ABCC1: variants seen among roughly 807,000 people sequenced by gnomAD.
ABCC1 encodes the protein multidrug resistance-associated protein 1.
In ABCC1, 83 loss-of-function variants were observed where a neutral mutation model predicts 172.9. The ratio of observed to expected loss-of-function variants is 0.48; its 90% confidence interval spans 0.40 to 0.58. The LOEUF (loss-of-function observed/expected upper bound fraction) is 0.58. Ranked by LOEUF, ABCC1 falls within the 20% of genes least tolerant of loss-of-function variation. ABCC1 has a pLI of 0.00. For synonymous variants in ABCC1, 937 were observed against 825.2 expected (o/e 1.14, Z -2.32); for missense variants, 1,817 against 2,002.7 (o/e 0.91, Z 1.77).
Position 16,106,684 on chromosome 16 carries a change from C to T in ABCC1, c.2736-54C>T, listed in dbSNP as rs949273751. 23 of 1,610,210 alleles carry T rather than the reference C, an allele frequency of 1.4e-5. No individual in the cohort carries two copies. In the African/African-American group the frequency reaches 1.5e-4, roughly 10 times the overall value. On this transcript the variant is annotated intron_variant, in intron 20 of 30. Transcript: ENST00000399410. Reference sequence around the variant, plus strand: ...ATAGCAGTCCCAGCAGGGAGCCCTCCGACCCTGCCCAAGGCATCTGTACGG... The same window carrying T: ...ATAGCAGTCCCAGCAGGGAGCCCTCTGACCCTGCCCAAGGCATCTGTACGG...
intron 14 of ABCC1, among the ~76,000 whole-genome samples, chr16:16,072,998 C>T (rs1056659510): frequency 1.0e-4 from 15 of 149,910 alleles, no homozygotes; most frequent in South Asian, 4.2e-4. Context: ...GCCAAGATCG[C>T]GCCACTGCAC....
intron 11 of ABCC1, among the ~76,000 whole-genome samples, chr16:16,053,812 A>G (rs2151907889): frequency 7.0e-6 from 1 of 143,186 alleles, no homozygotes. Context: ...AAAAAAAAAA[A>G]AAGTTTAAAT....
intron 5 of ABCC1, among the ~76,000 whole-genome samples, chr16:16,029,707 T>TA (rs1296174293): frequency 6.6e-6 from 1 of 152,222 alleles, no homozygotes; most frequent in Admixed American, 6.5e-5. Context: ...ATCTGAAAGA[T>TA]AAGAATTTTA....
chr16:15,966,561 G>T (rs2151518231), intron 1 of ABCC1, among the ~76,000 whole-genome samples: 1 of 152,092 alleles, frequency 6.6e-6, no homozygotes, highest in South Asian at 2.1e-4. Flanking sequence ...CGAGCCCTTT[G>T]ATAAGGCTTC....
At chr16:15,981,311 C>CT (rs2046615085) in intron 1 of ABCC1, among the ~76,000 whole-genome samples, 1 of 152,222 alleles carries the variant, frequency 6.6e-6, no homozygotes, top group African/African-American at 2.4e-5. Flanking sequence ...TGTATGGGGC[C>CT]TCTGGCCCCA....
In ABCC1 at chr16:16,092,193, G is replaced by A. The variant is rs148924533; in HGVS notation, c.2644+1605G>A. On this transcript the variant is annotated intron_variant, in intron 19 of 30. Coordinates refer to ENST00000399410, the MANE Select transcript of ABCC1 (RefSeq NM_004996.4). Reference sequence around the variant, plus strand: ...GCGGAGGTTGCAGTGAACCGAGATCGTGCCACTACACTCCAGCTTGGGCAA... The same window carrying A: ...GCGGAGGTTGCAGTGAACCGAGATCATGCCACTACACTCCAGCTTGGGCAA... 2.1e-3 allele frequency among the ~76,000 whole-genome samples: 316 copies of A among 152,278 alleles called. 1 individual carries two copies. The highest frequency in any genetic ancestry group is 3.8e-3 in the Non-Finnish European group (257 of 68,014).
intron 5 of ABCC1, among the ~76,000 whole-genome samples, chr16:16,028,153 T>C (rs1029818434): frequency 3.3e-5 from 5 of 152,186 alleles, no homozygotes; most frequent in African/African-American, 4.8e-5. Flanking sequence ...CAGAAACGGT[T>C]GGTTAACCTC....
chr16:16,128,373 A>G (rs942247323), intron 26 of ABCC1, among the ~76,000 whole-genome samples: 1 of 150,754 alleles, frequency 6.6e-6, no homozygotes, highest in Non-Finnish European at 1.5e-5. Flanking sequence ...CTGGTCTCGA[A>G]CTCCTGACCT....
intron 12 of ABCC1, among the ~76,000 whole-genome samples, chr16:16,063,579 A>G (rs1391617316): frequency 6.6e-6 from 1 of 152,218 alleles, no homozygotes; most frequent in Non-Finnish European, 1.5e-5. Context: ...GCTTAAATCA[A>G]CTAGAGTAAG....
Position 15,998,760 on chromosome 16 carries a change from C to T in ABCC1, c.49-9056C>T, listed in dbSNP as rs1419302732. On this transcript the variant is annotated intron_variant, in intron 1 of 30. Transcript: ENST00000399410. The stretch of plus-strand genomic sequence containing the variant: ...GAGTTCCGGTGTCCTTAAATGCTCT[C>T]TGGTTTCTTCTGTAGCTTACTTTCT... 6.6e-5 allele frequency among the ~76,000 whole-genome samples: 10 copies of T among 152,164 alleles called. No homozygotes were observed. The East Asian group carries it at 1.3e-3, about 21-fold the overall frequency.
chr16:16,088,141 G>A (rs62032010), intron 18 of ABCC1, among the ~76,000 whole-genome samples: 3 of 125,396 alleles, frequency 2.4e-5, no homozygotes, highest in African/African-American at 2.6e-5. Flanking sequence ...GTGTGTGTGT[G>A]TGTGTGTGTG....
At chr16:16,050,008 GTT>G (rs1404525673) in intron 10 of ABCC1, among the ~76,000 whole-genome samples, 2 of 151,962 alleles carry the variant, frequency 1.3e-5, no homozygotes, top group African/African-American at 4.8e-5. Flanking sequence ...CCCTGAAATA[GTT>G]TTGTTTTGTT....
intron 12 of ABCC1, among the ~76,000 whole-genome samples, chr16:16,057,404 T>C (rs1300743157): frequency 6.6e-6 from 1 of 151,754 alleles, no homozygotes; most frequent in African/African-American, 2.4e-5. Context: ...AATGTACTTA[T>C]TTTATTGTCT....
intron 10 of ABCC1, 67 bp from the exon 11 acceptor site, chr16:16,052,657 G>A: frequency 6.6e-7 from 1 of 1,506,052 alleles, no homozygotes; most frequent in Non-Finnish European, 9.2e-7. Context: ...GATCAACCGG[G>A]GAAGCTGTTA....
chr16:16,062,614 T>G (rs1301034047), intron 12 of ABCC1, among the ~76,000 whole-genome samples: 2 of 152,222 alleles, frequency 1.3e-5, no homozygotes, highest in East Asian at 3.8e-4. Flanking sequence ...CAGATGGGCC[T>G]GGGTGTCAGC....
chr16:15,991,378 A>G lies in ABCC1; in HGVS notation c.49-16438A>G, dbSNP rs1177057775. ...TTTTCCGTTGGCAAAACAGAGCGCC[A>G]CTCCAGACCCCTTTCATTCTTGCAA... On this transcript the variant is annotated intron_variant, in intron 1 of 30. Transcript: ENST00000399410. Among the ~76,000 whole-genome samples, 3 of 152,004 alleles carry G rather than the reference A, an allele frequency of 2.0e-5. No individual in the cohort carries two copies. In the South Asian group the frequency reaches 6.2e-4, roughly 32 times the overall value.
intron 29 of ABCC1, 114 bp downstream of exon 29, chr16:16,136,758 C>T (rs764840774): frequency 5.6e-5 from 70 of 1,242,300 alleles, no homozygotes; most frequent in Admixed American, 3.8e-4. Flanking sequence ...TCCCAGATGA[C>T]CATTTGTCCC....
intron 20 of ABCC1, among the ~76,000 whole-genome samples, chr16:16,103,322 A>G (rs977018418): frequency 7.9e-5 from 12 of 152,230 alleles, no homozygotes; most frequent in African/African-American, 2.6e-4. Flanking sequence ...GCTCATGCCT[A>G]TAATCCCAGC....
At chr16:16,024,545 G>A (rs759103828) in intron 5 of ABCC1, among the ~76,000 whole-genome samples, 18 of 152,126 alleles carry the variant, frequency 1.2e-4, no homozygotes, top group Non-Finnish European at 1.5e-4. Flanking sequence ...TAGAGATGGG[G>A]TTTCTGTATG....
Sources: gnomAD v4.1 joint callset for allele counts (sites outside exome capture counted in the v4.1 genomes callset) on GRCh38, gnomAD v4.1.1 for gene constraint, MANE v1.5 for transcripts, NCBI Gene and HGNC (gene_info 2026-07-23, HGNC 2026-07-21) for gene names.